Variants in CRKL observed in about 807,000 individuals in gnomAD.
CRKL encodes the protein CRK like proto-oncogene, adaptor protein, also known as crk-like protein.
In CRKL, 3 loss-of-function variants were observed where a neutral mutation model predicts 23.0. The ratio of observed to expected loss-of-function variants is 0.13; its 90% CI spans 0.06 to 0.34. CRKL has a LOEUF of 0.34. Ranked by LOEUF, CRKL falls within the 10% of genes least tolerant of loss-of-function variation. The pLI, the probability that CRKL is intolerant of heterozygous loss-of-function variation, is 1.00. For synonymous variants in CRKL, 188 were observed against 160.7 expected, an observed-to-expected ratio of 1.17 and a Z score of -1.28; for missense variants, 256 against 394.5, an observed-to-expected ratio of 0.65 and a Z score of 2.97.
In CRKL at chr22:20,952,406, G is replaced by C. The variant is rs761830033; in HGVS notation, c.*2561G>C. ...ATGAAAATGGCATCCAGGGCTGCCA[G>C]GAGATTCAGAGCTCAAAACAAGGCG... is the stretch of plus-strand genomic sequence containing the variant. On this transcript the variant is annotated 3_prime_UTR_variant, in exon 3 of 3. Transcript: ENST00000354336. The C allele has an allele frequency of 7.4e-5, 17 of 230,480 alleles. No homozygotes were observed. Among genetic ancestry groups the C allele is most frequent in the Non-Finnish European group, 1.5e-4 (17 of 116,124 alleles). The allele number at this position is 230,480 out of a possible 1,614,324, so 14.3% of individuals were successfully genotyped here.
In CRKL at chr22:20,934,475, A is replaced by G. The variant is rs541806082; in HGVS notation, c.777+231A>G. On this transcript the variant is annotated intron_variant, in intron 2 of 2. Coordinates refer to ENST00000354336, the MANE Select transcript of CRKL (RefSeq NM_005207.4). ...GATTTCGAGGTCCTGGCCTCAAGCA[A>G]TCCTCCTACCTCGACCTCCCAAAGT... Among the ~76,000 whole-genome samples the G allele has an allele frequency of 2.0e-5, 3 of 152,224 alleles. No individual in the cohort carries two copies. In the South Asian group the frequency reaches 6.2e-4, roughly 32 times the overall value.
chr22:20,917,845 C>G lies in CRKL; in HGVS notation c.-90C>G, dbSNP rs1317163841. The stretch of plus-strand genomic sequence containing the variant: ...TCGAGGTGTGCGAGAGGCCCTTCCT[C>G]GGCCCCAAAGCCGTCTGCCGGGCTA... On this transcript the variant is annotated 5_prime_UTR_variant, in exon 1 of 3. Coordinates refer to ENST00000354336, the MANE Select transcript of CRKL (RefSeq NM_005207.4). The G allele has an allele frequency of 3.0e-5, 40 of 1,315,132 alleles. No individual in the cohort carries two copies. The East Asian group carries it at 8.6e-4, about 28-fold the overall frequency. The allele number at this position is 1,315,132 out of a possible 1,614,324, so 81.5% of individuals were successfully genotyped here.
intron 1 of CRKL, among the ~76,000 whole-genome samples, chr22:20,930,048 G>T (rs899727316): frequency 1.3e-5 from 2 of 152,062 alleles, no homozygotes; most frequent in Non-Finnish European, 2.9e-5. Context: ...AGATTGATTT[G>T]GTGTCAAATT....
chr22:20,937,541 G>T (rs867893056), intron 2 of CRKL, among the ~76,000 whole-genome samples: 2 of 150,450 alleles, frequency 1.3e-5, no homozygotes, highest in African/African-American at 4.9e-5. Context: ...ATTACAGAAG[G>T]GATCACTTAG....
chr22:20,918,387 A>G, intron 1 of CRKL, 142 bp downstream of exon 1: 2 of 943,952 alleles, frequency 2.1e-6, no homozygotes, highest in Non-Finnish European at 3.1e-6. Context: ...CCTTCCTAAC[A>G]GAAAGCTAGT....
At chr22:20,942,174 T>C (rs1485528614) in intron 2 of CRKL, among the ~76,000 whole-genome samples, 1 of 152,258 alleles carries the variant, frequency 6.6e-6, no homozygotes, top group Admixed American at 6.5e-5. Context: ...AATGATACAA[T>C]ATTTGTCCTT....
Position 20,953,706 on chromosome 22 carries a change from A to G in CRKL, c.*3861A>G, listed in dbSNP as rs941626791. The stretch of plus-strand genomic sequence containing the variant: ...ACCCTTGTTTCCATGGCCTGTTTGT[A>G]TATTGTCTCAATAAAACTTGCATCA... On this transcript the variant is annotated 3_prime_UTR_variant, in exon 3 of 3. Coordinates refer to ENST00000354336, the MANE Select transcript of CRKL (RefSeq NM_005207.4). 4 of 189,986 alleles carry G rather than the reference A, an allele frequency of 2.1e-5. No homozygotes were observed. The highest frequency in any genetic ancestry group is 1.9e-4 in the South Asian group (1 of 5,146). 11.8% of individuals were successfully genotyped at this position (189,986 alleles called of 1,614,324 possible). A position where few individuals can be genotyped will look rare whatever the true frequency, so the allele number is the denominator to read the frequency against.
At position 20,934,025 on chromosome 22, in the gene CRKL, A is replaced by G. The variant is rs2147905283; in HGVS notation, c.558A>G (p.Pro186=). 1 of 1,614,192 alleles carries G rather than the reference A, an allele frequency of 6.2e-7. No homozygotes were observed. The highest frequency in any genetic ancestry group is 8.5e-7 in the Non-Finnish European group (1 of 1,180,038). The part of the protein sequence containing the change: ...PYVEKLVRSS[P]HGKHGNRNSN... ...TCGAAAAGCTTGTGAGATCCTCACC[A>G]CACGGAAAGCATGGAAATAGGAATT... The change falls in exon 2 of 3, where the codon CCA becomes CCG. Residue 186 remains proline (P), a synonymous_variant. Coordinates refer to ENST00000354336, the MANE Select transcript of CRKL (RefSeq NM_005207.4).
At chr22:20,927,504 GTT>G (rs1921264330) in intron 1 of CRKL, among the ~76,000 whole-genome samples, 1 of 88,880 alleles carries the variant, frequency 1.1e-5, no homozygotes, top group Non-Finnish European at 2.3e-5. Flanking sequence ...CTGGAATTAA[GTT>G]TTCTACCTTT....
intron 1 of CRKL, among the ~76,000 whole-genome samples, chr22:20,930,825 C>T (rs905621720): frequency 4.6e-5 from 7 of 151,324 alleles, no homozygotes; most frequent in African/African-American, 7.3e-5. Flanking sequence ...GGACTACAGG[C>T]GTGTGCCACC....
intron 2 of CRKL, among the ~76,000 whole-genome samples, chr22:20,938,901 T>C (rs73879446): frequency 0.013 from 1,950 of 152,230 alleles, 42 homozygotes; most frequent in African/African-American, 0.044. Flanking sequence ...TCTGTGGGAA[T>C]TGAAGTCAGT....
chr22:20,931,572 T>C (rs1415914545), intron 1 of CRKL, among the ~76,000 whole-genome samples: 1 of 152,182 alleles, frequency 6.6e-6, no homozygotes, highest in Non-Finnish European at 1.5e-5. Flanking sequence ...TCCCTAAGGC[T>C]GATTAGCTCA....
chr22:20,937,646 A>G (rs1921712488), intron 2 of CRKL, among the ~76,000 whole-genome samples: 1 of 151,432 alleles, frequency 6.6e-6, no homozygotes. Flanking sequence ...AAGATAACCT[A>G]CATACTTGGC....
chr22:20,930,101 A>G (rs1029610836), intron 1 of CRKL, among the ~76,000 whole-genome samples: 2 of 152,178 alleles, frequency 1.3e-5, no homozygotes, highest in Non-Finnish European at 2.9e-5. Flanking sequence ...ATGAGCCCCA[A>G]GGTCACTATA....
intron 1 of CRKL, among the ~76,000 whole-genome samples, chr22:20,923,358 G>A (rs9613292): frequency 0.6 from 89,645 of 150,210 alleles, 28,635 homozygotes; most frequent in South Asian, 0.8. Flanking sequence ...CTCACTGCAA[G>A]CTCCGCCTCC....
In CRKL at chr22:20,918,123, C is replaced by T. The variant is rs1197644435; in HGVS notation, c.189C>T (p.Ile63=). The change falls in exon 1 of 3, where the codon ATC becomes ATT. Residue 63 remains isoleucine, a synonymous_variant. Transcript: ENST00000354336. The part of the protein sequence containing the change: ...SENSRVSHYI[I]NSLPNRRFKI... ...ACTCGCGGGTCTCCCACTACATCAT[C>T]AACTCGCTGCCCAACCGCCGTTTTA... The T allele has an allele frequency of 3.7e-6, 6 of 1,614,050 alleles. No homozygotes were observed. Among genetic ancestry groups the T allele is most frequent in the South Asian group, 1.1e-5 (1 of 91,090 alleles).
At position 20,918,250 on chromosome 22, in the gene CRKL, G is replaced by GC; in HGVS notation, c.311+6dup. 6.2e-7 allele frequency: 1 copy of GC among 1,612,918 alleles called. No homozygotes were observed. Among genetic ancestry groups the GC allele is most frequent in the Non-Finnish European group, 8.5e-7 (1 of 1,179,708 alleles). The stretch of plus-strand genomic sequence containing the variant: ...CCTCATCGAGCCTGCGCCCAGGTAC[G>GC]CGAGAGCCCTCCCCGACCGCGGAGG... On this transcript the variant is annotated splice_donor_region_variant and intron_variant, in intron 1 of 2. Coordinates refer to ENST00000354336, the MANE Select transcript of CRKL (RefSeq NM_005207.4).
At chr22:20,933,460 A>T (rs1921536492) in intron 1 of CRKL, among the ~76,000 whole-genome samples, 1 of 152,026 alleles carries the variant, frequency 6.6e-6, no homozygotes, top group African/African-American at 2.4e-5. Context: ...CGAGGTCAGG[A>T]GTTCAAGACC....
rs1929736757 is a variant in CRKL at position 20,917,591 on chromosome 22, C to G, written c.-344C>G. 4 of 330,118 alleles carry G rather than the reference C, an allele frequency of 1.2e-5. No individual in the cohort carries two copies. The South Asian group carries it at 3.1e-4, about 25-fold the overall frequency. 20.4% of individuals were successfully genotyped at this position (330,118 alleles called of 1,614,324 possible). ...GACCCGTCGAGCTGCGGCGCCGGCG[C>G]GTTCCAGGCCGGGAGTCACTGGAGG... is the stretch of plus-strand genomic sequence containing the variant. On this transcript the variant is annotated 5_prime_UTR_variant, in exon 1 of 3. Coordinates refer to ENST00000354336, the MANE Select transcript of CRKL (RefSeq NM_005207.4).
Sources: allele counts gnomAD v4.1 joint callset (sites outside exome capture counted in the v4.1 genomes callset), GRCh38; gene constraint gnomAD v4.1.1; transcripts MANE v1.5; gene names NCBI Gene and HGNC (gene_info 2026-07-23, HGNC 2026-07-21).